The following TMEM266 variants were observed in gnomAD, a reference collection of about 807,000 sequenced individuals.
The protein encoded by TMEM266 is transmembrane protein 266.
TMEM266 carries 33 observed loss-of-function variants against 50.5 expected under a neutral mutation model. That is an observed-to-expected ratio of 0.65 (90% CI 0.50 to 0.87). TMEM266 has a LOEUF of 0.87. Ranked by LOEUF, TMEM266 falls within the 40% of genes least tolerant of loss-of-function variation. The pLI, the probability that TMEM266 is intolerant of heterozygous loss-of-function variation, is 0.00. For synonymous variants in TMEM266, 310 were observed against 292.3 expected (o/e 1.06, Z -0.62); for missense variants, 655 against 695.1 (o/e 0.94, Z 0.65).
chr15:76,125,878 A>T (rs1287162030), intron 1 of TMEM266, among the ~76,000 whole-genome samples: 1 of 146,560 alleles, frequency 6.8e-6, no homozygotes, highest in Non-Finnish European at 1.5e-5. Flanking sequence ...AGTGGGGGGG[A>T]TGGGGATGGC....
intron 1 of TMEM266, among the ~76,000 whole-genome samples, chr15:76,092,511 G>A (rs993836260): frequency 1.4e-4 from 21 of 151,942 alleles, no homozygotes; most frequent in African/African-American, 3.6e-4. Context: ...CCAACATGGC[G>A]AAACCCCGTA....
chr15:76,170,666 A>T (rs1363377029), intron 6 of TMEM266, among the ~76,000 whole-genome samples: 1 of 152,180 alleles, frequency 6.6e-6, no homozygotes, highest in Non-Finnish European at 1.5e-5. Flanking sequence ...CCAGGGAGGG[A>T]TCCAGCTTGG....
At chr15:76,089,989 CA>C (rs1328978204) in intron 1 of TMEM266, among the ~76,000 whole-genome samples, 2 of 152,040 alleles carry the variant, frequency 1.3e-5, no homozygotes, top group East Asian at 3.9e-4. Context: ...AAACCACGAA[CA>C]TGGAAACAGC....
chr15:76,060,278 C>T (rs936148649), intron 1 of TMEM266, among the ~76,000 whole-genome samples: 15 of 151,930 alleles, frequency 9.9e-5, no homozygotes, highest in African/African-American at 3.4e-4. Flanking sequence ...TGCCCTGGTT[C>T]GGGTCCAGCT....
intron 1 of TMEM266, among the ~76,000 whole-genome samples, chr15:76,119,408 A>G (rs1238647346): frequency 7.0e-4 from 104 of 149,026 alleles, no homozygotes; most frequent in Non-Finnish European, 1.1e-3. Context: ...AAAAAAAAAA[A>G]AAAAGAAAAG....
At chr15:76,098,589 T>C (rs1461208836) in intron 1 of TMEM266, among the ~76,000 whole-genome samples, 2 of 152,124 alleles carry the variant, frequency 1.3e-5, no homozygotes, top group African/African-American at 2.4e-5. Flanking sequence ...AGTCTGACCC[T>C]TAGCAGAGCT....
At chr15:76,077,782 G>A (rs983253004) in intron 1 of TMEM266, among the ~76,000 whole-genome samples, 4 of 152,040 alleles carry the variant, frequency 2.6e-5, no homozygotes, top group Non-Finnish European at 2.9e-5. Flanking sequence ...AGGCCCTCAC[G>A]ACACCTTGAT....
chr15:76,127,084 C>T (rs1365761262), intron 1 of TMEM266, among the ~76,000 whole-genome samples: 1 of 151,970 alleles, frequency 6.6e-6, no homozygotes, highest in Non-Finnish European at 1.5e-5. Context: ...CTTAAATTTG[C>T]TGAGAGGAAA....
intron 9 of TMEM266, among the ~76,000 whole-genome samples, chr15:76,194,732 T>C (rs997975728): frequency 9.2e-5 from 14 of 152,192 alleles, no homozygotes; most frequent in Admixed American, 8.5e-4. Context: ...TCTGCCTTCA[T>C]CTGCACATGG....
chr15:76,106,826 T>G (rs1212111330), intron 1 of TMEM266, among the ~76,000 whole-genome samples: 1 of 152,192 alleles, frequency 6.6e-6, no homozygotes, highest in African/African-American at 2.4e-5. Context: ...CCTCACATAC[T>G]TATTTTGTGT....
intron 1 of TMEM266, among the ~76,000 whole-genome samples, chr15:76,127,612 C>T (rs2037443763): frequency 6.6e-6 from 1 of 152,148 alleles, no homozygotes; most frequent in East Asian, 1.9e-4. Context: ...AGGCATGATC[C>T]ACCACACCTG....
intron 4 of TMEM266, among the ~76,000 whole-genome samples, chr15:76,159,136 G>T (rs2037974253): frequency 6.6e-6 from 1 of 152,184 alleles, no homozygotes; most frequent in Non-Finnish European, 1.5e-5. Flanking sequence ...CCCTTCCCCA[G>T]TATCCCAGGG....
intron 9 of TMEM266, among the ~76,000 whole-genome samples, chr15:76,201,051 C>T (rs1382506828): frequency 2.6e-5 from 4 of 152,024 alleles, no homozygotes; most frequent in African/African-American, 9.7e-5. Context: ...CCTGGGGGTG[C>T]AGACTCGGAC....
At chr15:76,089,537 G>C (rs1273412083) in intron 1 of TMEM266, among the ~76,000 whole-genome samples, 2 of 152,094 alleles carry the variant, frequency 1.3e-5, no homozygotes, top group East Asian at 3.9e-4. Flanking sequence ...GGGGTTGAAG[G>C]GTGAGAGGGA....
In TMEM266 at chr15:76,141,999, C is replaced by T. The variant is rs570947906; in HGVS notation, c.227+4104C>T. 3.3e-5 allele frequency among the ~76,000 whole-genome samples: 5 copies of T among 152,360 alleles called. No individual in the cohort carries two copies. In the East Asian group the frequency reaches 5.8e-4, roughly 18 times the overall value. On this transcript the variant is annotated intron_variant, in intron 3 of 10. Coordinates refer to ENST00000388942, the MANE Select transcript of TMEM266 (RefSeq NM_152335.3). Reference sequence around the variant, plus strand: ...TTATCCATTCATCTGTCAGTGGACACACCCCACACTGGACTGTTTTTTCTC... The same window carrying T: ...TTATCCATTCATCTGTCAGTGGACATACCCCACACTGGACTGTTTTTTCTC...
chr15:76,067,565 G>A (rs778657559), intron 1 of TMEM266, among the ~76,000 whole-genome samples: 6 of 150,722 alleles, frequency 4.0e-5, no homozygotes, highest in South Asian at 2.1e-4. Context: ...CCCTGGAGGC[G>A]GAGGTTGCAA....
At chr15:76,148,995 T>C (rs184472995) in intron 3 of TMEM266, among the ~76,000 whole-genome samples, 31 of 152,212 alleles carry the variant, frequency 2.0e-4, no homozygotes, top group African/African-American at 7.5e-4. Context: ...TCCTGAGAGT[T>C]CTGGTTTCGT....
chr15:76,086,335 T>C (rs1195995749), intron 1 of TMEM266, among the ~76,000 whole-genome samples: 1 of 152,222 alleles, frequency 6.6e-6, no homozygotes, highest in African/African-American at 2.4e-5. Flanking sequence ...GCAATGGTGA[T>C]AGAAATCAGG....
At chr15:76,183,267 C>A (rs1401843543) in intron 8 of TMEM266, among the ~76,000 whole-genome samples, 3 of 151,794 alleles carry the variant, frequency 2.0e-5, no homozygotes, top group African/African-American at 7.3e-5. Context: ...AGGCATGTGT[C>A]ACCACCCCTG....
Sources: gnomAD v4.1 joint callset for allele counts (sites outside exome capture counted in the v4.1 genomes callset) on GRCh38, gnomAD v4.1.1 for gene constraint, MANE v1.5 for transcripts, NCBI Gene and HGNC (gene_info 2026-07-23, HGNC 2026-07-21) for gene names.